The following LYPD8 variants were observed in gnomAD, a reference collection of about 807,000 sequenced individuals.
LYPD8 encodes the protein LY6/PLAUR domain containing 8, also known as ly6/PLAUR domain-containing protein 8.
A neutral mutation model predicts 1.7 loss-of-function variants in LYPD8; 8 were observed. That is an observed-to-expected ratio of 4.58 (90% confidence interval 2.69 to 8.27). The LOEUF is 8.27. Ranked by LOEUF, LYPD8 falls within the 30% of genes most tolerant of loss-of-function variation. LYPD8 has a pLI of 0.00. For missense variants in LYPD8, 112 were observed against 102.3 expected, an observed-to-expected ratio of 1.09 and a Z score of -0.41; for synonymous variants, 50 against 43.6, an observed-to-expected ratio of 1.15 and a Z score of -0.58.
chr1:248,751,261 C>G (rs1456571000), intron 2 of LYPD8, 131 bp from the exon 3 acceptor site: 4 of 394,656 alleles, frequency 1.0e-5, no homozygotes, highest in Admixed American at 4.4e-5. Flanking sequence ...AAATCCTGAG[C>G]TGGGAGCACA....
chr1:248,753,176 TCA>T (rs1331782171), intron 2 of LYPD8, among the ~76,000 whole-genome samples: 4 of 26,262 alleles, frequency 1.5e-4, no homozygotes, highest in African/African-American at 1.5e-4. Flanking sequence ...ACACACCACA[TCA>T]CACACACACA....
intron 3 of LYPD8, 92 bp from the exon 4 acceptor site, chr1:248,750,735 A>G (rs1240979992): frequency 1.8e-5 from 7 of 398,058 alleles, no homozygotes; most frequent in South Asian, 1.3e-4. Context: ...CCCACCTTGC[A>G]GTAAAAGACA....
rs1420401573 is a variant in LYPD8, at chr1:248,753,622, A to G, written c.-50+1617T>C. Among the ~76,000 whole-genome samples, 220 of 110,386 alleles carry G rather than the reference A, an allele frequency of 2.0e-3. 16 individuals are homozygous for G. The highest frequency in any genetic ancestry group is 6.2e-3 in the East Asian group (16 of 2,566). The allele number at this position is 110,386 out of a possible 152,430, so 72.4% of individuals were successfully genotyped here. On this transcript the variant is annotated intron_variant, in intron 2 of 6. Coordinates refer to ENST00000590317, the MANE Select transcript of LYPD8 (RefSeq NM_001085474.2). ...ACACACACACCACACACCCCACACA[A>G]CACACACAACACACCACACATATAC...
Position 248,745,778 on chromosome 1 carries a change from A to G in LYPD8, c.338-499T>C, listed in dbSNP as rs1662718900. ...TTTTCAGCCACATTTTCTGTTTTTCAAAAAGAGAGCTTTGGTCTAGATCAG... is the reference window on the plus strand; with the variant it reads ...TTTTCAGCCACATTTTCTGTTTTTCGAAAAGAGAGCTTTGGTCTAGATCAG... On this transcript the variant is annotated intron_variant, in intron 5 of 6. Transcript: ENST00000590317. Among the ~76,000 whole-genome samples, 4 of 152,344 alleles carry G rather than the reference A, an allele frequency of 2.6e-5. No homozygotes were observed. In the South Asian group the frequency reaches 6.2e-4, roughly 24 times the overall value.
chr1:248,745,297 A>AT lies in LYPD8; in HGVS notation c.338-19dup. Reference sequence around the variant, plus strand: ...GGGAGGGTCTGGAAGAGTCAGAGTCATTACTCAGGACAGTGTTATCATACA... The same window carrying AT: ...GGGAGGGTCTGGAAGAGTCAGAGTCATTTACTCAGGACAGTGTTATCATACA... On this transcript the variant is annotated intron_variant, in intron 5 of 6. Coordinates refer to ENST00000590317, the MANE Select transcript of LYPD8 (RefSeq NM_001085474.2). 2.5e-6 allele frequency: 1 copy of AT among 398,564 alleles called. No homozygotes were observed. Among genetic ancestry groups the AT allele is most frequent in the Non-Finnish European group, 4.4e-6 (1 of 226,046 alleles). The allele number at this position is 398,564 out of a possible 1,614,324, so 24.7% of individuals were successfully genotyped here.
chr1:248,754,246 C>A (rs1172821122), intron 2 of LYPD8, among the ~76,000 whole-genome samples: 5 of 151,130 alleles, frequency 3.3e-5, no homozygotes, highest in African/African-American at 1.2e-4. Flanking sequence ...AAACACACAC[C>A]CCACACATAA....
Position 248,744,723 on chromosome 1 carries a change from C to T in LYPD8, c.475+419G>A, listed in dbSNP as rs115587866. On this transcript the variant is annotated intron_variant, in intron 6 of 6. Coordinates refer to ENST00000590317, the MANE Select transcript of LYPD8 (RefSeq NM_001085474.2). ...TAAGGCCCAATTTGACTCTTTCTGC[C>T]AGGTGATCCAAGCTACCAAAAGCCA... is the stretch of plus-strand genomic sequence containing the variant. Among the ~76,000 whole-genome samples the T allele has an allele frequency of 1.4e-3, 219 of 152,320 alleles. 1 individual carries two copies. Among genetic ancestry groups the T allele is most frequent in the African/African-American group, 4.9e-3 (205 of 41,562 alleles).
chr1:248,744,377 C>T (rs35731280), intron 6 of LYPD8, among the ~76,000 whole-genome samples: 41,402 of 152,228 alleles, frequency 0.27, 8,387 homozygotes, highest in African/African-American at 0.55. Flanking sequence ...GGCCAGCACC[C>T]ACCCAGGGCA....
At chr1:248,743,184 G>A (rs1397222669) in intron 6 of LYPD8, among the ~76,000 whole-genome samples, 1 of 152,188 alleles carries the variant, frequency 6.6e-6, no homozygotes, top group Non-Finnish European at 1.5e-5. Context: ...GAGGTTCGGG[G>A]CTGGGTGCTG....
chr1:248,753,890 C>T (rs1186376047), intron 2 of LYPD8, among the ~76,000 whole-genome samples: 1 of 150,552 alleles, frequency 6.6e-6, no homozygotes, highest in South Asian at 2.1e-4. Flanking sequence ...CACACACACA[C>T]CACACATCAC....
In LYPD8 at chr1:248,753,561, C is replaced by CAACACACA. The variant is rs1662870672; in HGVS notation, c.-50+1677_-50+1678insTGTGTGTT. Among the ~76,000 whole-genome samples the CAACACACA allele has an allele frequency of 1.6e-5, 2 of 123,202 alleles. 1 individual carries two copies. Among genetic ancestry groups the CAACACACA allele is most frequent in the African/African-American group, 6.6e-5 (2 of 30,118 alleles). 80.8% of individuals were successfully genotyped at this position (123,202 alleles called of 152,430 possible). A position where few individuals can be genotyped will look rare whatever the true frequency, so the allele number is the denominator to read the frequency against. ...ACCACATCACACAAAACACATCACACACACAACACACACCCCACACAACAC... is the reference window on the plus strand; with the variant it reads ...ACCACATCACACAAAACACATCACACAACACACAACACAACACACACCCCACACAACAC... On this transcript the variant is annotated intron_variant, in intron 2 of 6. Coordinates refer to ENST00000590317, the MANE Select transcript of LYPD8 (RefSeq NM_001085474.2).
At chr1:248,751,260 G>T (rs1162810476) in intron 2 of LYPD8, 130 bp from the exon 3 acceptor site, 3 of 393,982 alleles carry the variant, frequency 7.6e-6, no homozygotes, top group Non-Finnish European at 1.3e-5. Flanking sequence ...AAAATCCTGA[G>T]CTGGGAGCAC....
intron 2 of LYPD8, among the ~76,000 whole-genome samples, chr1:248,752,033 G>A (rs1662808827): frequency 6.6e-6 from 1 of 152,084 alleles, no homozygotes; most frequent in Non-Finnish European, 1.5e-5. Flanking sequence ...GCAGGTGTGT[G>A]GCTCTGGCCT....
chr1:248,754,925 G>A (rs1662898478), intron 2 of LYPD8, among the ~76,000 whole-genome samples: 1 of 152,142 alleles, frequency 6.6e-6, no homozygotes, highest in African/African-American at 2.4e-5. Flanking sequence ...TCAGGGCCAT[G>A]GCCTTCTGGG....
At chr1:248,750,868 T>C (rs1662789294) in intron 3 of LYPD8, among the ~76,000 whole-genome samples, 162 bp downstream of exon 3, 1 of 152,056 alleles carries the variant, frequency 6.6e-6, no homozygotes, top group Non-Finnish European at 1.5e-5. Flanking sequence ...TCAACAACAA[T>C]ACAGAGTGGC....
intron 2 of LYPD8, among the ~76,000 whole-genome samples, chr1:248,753,401 T>TCA (rs1208060259): frequency 3.4e-5 from 1 of 29,132 alleles, no homozygotes; most frequent in African/African-American, 1.3e-4. Context: ...CACATACACA[T>TCA]CACACACACA....
In LYPD8 at chr1:248,749,283, G is replaced by A. The variant is rs929312868; in HGVS notation, c.173-830C>T. On this transcript the variant is annotated intron_variant, in intron 4 of 6. Transcript: ENST00000590317. ...GGGATTTGGCTGGGATCCTAATTTC[G>A]CACATAGACCACATCATGACATCTT... Among the ~76,000 whole-genome samples, 334 of 152,246 alleles carry A rather than the reference G, an allele frequency of 2.2e-3. 1 individual carries two copies. The highest frequency in any genetic ancestry group is 7.0e-3 in the African/African-American group (291 of 41,536).
At chr1:248,741,881 T>A (rs782616304) in intron 6 of LYPD8, among the ~76,000 whole-genome samples, 2 of 152,148 alleles carry the variant, frequency 1.3e-5, no homozygotes, top group East Asian at 3.8e-4. Flanking sequence ...AGTTCAACTA[T>A]AGGATAGTGT....
chr1:248,753,092 ACACACAC>A (rs1341601384), intron 2 of LYPD8, among the ~76,000 whole-genome samples: 3 of 93,996 alleles, frequency 3.2e-5, no homozygotes, highest in African/African-American at 4.5e-5. Flanking sequence ...ACCACACTAC[ACACACAC>A]CACACACCAC....
Sources: allele counts gnomAD v4.1 joint callset (sites outside exome capture counted in the v4.1 genomes callset), GRCh38; gene constraint gnomAD v4.1.1; transcripts MANE v1.5; gene names NCBI Gene and HGNC (gene_info 2026-07-23, HGNC 2026-07-21).